The following CHCHD3 variants were observed in gnomAD, a reference collection of about 807,000 sequenced individuals.
The protein encoded by CHCHD3 is MICOS complex subunit MIC19.
In CHCHD3, 20 loss-of-function variants were observed where a neutral mutation model predicts 38.2. That is an observed-to-expected ratio of 0.52 (90% CI 0.37 to 0.76). CHCHD3 has a LOEUF of 0.76. Ranked by LOEUF, CHCHD3 falls within the 30% of genes least tolerant of loss-of-function variation. CHCHD3 has a pLI of 0.00. For synonymous variants in CHCHD3, 82 were observed against 100.0 expected (o/e 0.82, Z 1.07); for missense variants, 245 against 279.2 (o/e 0.88, Z 0.87).
intron 2 of CHCHD3, among the ~76,000 whole-genome samples, chr7:133,045,054 G>C (rs12707076): frequency 0.46 from 70,461 of 152,122 alleles, 17,233 homozygotes; most frequent in African/African-American, 0.62. Flanking sequence ...CCTGTCAACA[G>C]CATCCGAGTT....
rs1290579404 is a variant in CHCHD3 at position 133,072,667 on chromosome 7, A to G, written c.82-2438T>C. 3.3e-5 allele frequency among the ~76,000 whole-genome samples: 5 copies of G among 152,012 alleles called. No individual in the cohort carries two copies. In the East Asian group the frequency reaches 7.8e-4, roughly 24 times the overall value. Reference sequence around the variant, plus strand: ...ATCCTGGCTAACATGGTGAAACCCCATCTCTACTAAAAATACAAAAAATTA... The same window carrying G: ...ATCCTGGCTAACATGGTGAAACCCCGTCTCTACTAAAAATACAAAAAATTA... On this transcript the variant is annotated intron_variant, in intron 1 of 7. Transcript: ENST00000262570.
intron 2 of CHCHD3, among the ~76,000 whole-genome samples, chr7:133,048,048 A>G (rs1208660146): frequency 6.6e-6 from 1 of 151,956 alleles, no homozygotes; most frequent in African/African-American, 2.4e-5. Context: ...AGATCACGCC[A>G]TTGCACTCCA....
At chr7:132,915,203 A>C (rs1810073778) in intron 4 of CHCHD3, among the ~76,000 whole-genome samples, 1 of 152,048 alleles carries the variant, frequency 6.6e-6, no homozygotes, top group Non-Finnish European at 1.5e-5. Context: ...ACAAGCTCTC[A>C]AGGTCATCCA....
intron 2 of CHCHD3, chr7:133,034,769 A>T (rs1259759991): frequency 6.2e-7 from 1 of 1,613,406 alleles, no homozygotes; most frequent in Non-Finnish European, 8.5e-7. Flanking sequence ...GACTCAGCGG[A>T]AAGGCAAGCT....
intron 4 of CHCHD3, among the ~76,000 whole-genome samples, chr7:132,911,466 C>A (rs1451230417): frequency 1.3e-5 from 2 of 152,324 alleles, no homozygotes; most frequent in Non-Finnish European, 2.9e-5. Flanking sequence ...AAGGCAGACA[C>A]AAGACGCTGA....
At chr7:132,971,187 C>T (rs1811604001) in intron 4 of CHCHD3, among the ~76,000 whole-genome samples, 1 of 152,154 alleles carries the variant, frequency 6.6e-6, no homozygotes, top group Non-Finnish European at 1.5e-5. Flanking sequence ...ATTCCCTGGT[C>T]CTGTCCTTCT....
intron 1 of CHCHD3, among the ~76,000 whole-genome samples, chr7:133,075,981 C>A (rs1814978033): frequency 6.8e-6 from 1 of 147,078 alleles, no homozygotes; most frequent in Admixed American, 7.1e-5. Context: ...ATCGCTTGAA[C>A]CCAGAAGGTG....
At chr7:133,041,541 C>T (rs1226006936) in intron 2 of CHCHD3, among the ~76,000 whole-genome samples, 1 of 152,170 alleles carries the variant, frequency 6.6e-6, no homozygotes, top group Non-Finnish European at 1.5e-5. Flanking sequence ...TGCTGAAAAC[C>T]TAAGTGAAGC....
At chr7:132,861,227 C>T (rs1308401639) in intron 5 of CHCHD3, among the ~76,000 whole-genome samples, 4 of 152,092 alleles carry the variant, frequency 2.6e-5, no homozygotes, top group Non-Finnish European at 2.9e-5. Context: ...TGCCATTTCC[C>T]GAGGAAAACT....
Position 133,079,938 on chromosome 7 carries a change from A to G in CHCHD3, c.81+1919T>C, listed in dbSNP as rs566506196. Among the ~76,000 whole-genome samples the G allele has an allele frequency of 5.9e-5, 9 of 152,360 alleles. No individual in the cohort carries two copies. In the East Asian group the frequency reaches 1.7e-3, roughly 29 times the overall value. On this transcript the variant is annotated intron_variant, in intron 1 of 7. Coordinates refer to ENST00000262570, the MANE Select transcript of CHCHD3 (RefSeq NM_017812.4). ...AAACTGCAATGGGCTAAGTATGGCT[A>G]CAAGAAACTTACAGTGCCACCAGAC...
intron 2 of CHCHD3, among the ~76,000 whole-genome samples, chr7:133,069,232 T>C (rs1814752460): frequency 6.7e-6 from 1 of 149,582 alleles, no homozygotes; most frequent in African/African-American, 2.4e-5. Context: ...AAGTCATTCT[T>C]ATTCATCTTG....
intron 4 of CHCHD3, among the ~76,000 whole-genome samples, chr7:132,923,541 C>CA (rs199801352): frequency 0.024 from 3,596 of 151,930 alleles, 56 homozygotes; most frequent in Middle Eastern, 0.034. Context: ...AAGATTTTTT[C>CA]AAAAAAATTC....
intron 2 of CHCHD3, among the ~76,000 whole-genome samples, chr7:133,050,144 C>G (rs1393718991): frequency 6.6e-6 from 1 of 151,540 alleles, no homozygotes; most frequent in East Asian, 1.9e-4. Context: ...GCCAGGAGTT[C>G]GAGATCAGCC....
chr7:132,986,678 A>T (rs1159502044), intron 3 of CHCHD3, among the ~76,000 whole-genome samples: 2 of 152,244 alleles, frequency 1.3e-5, no homozygotes, highest in Non-Finnish European at 2.9e-5. Flanking sequence ...AGATGCCATT[A>T]AGAAAATCAT....
rs1197154549 is a variant in CHCHD3 at position 133,036,057 on chromosome 7, A to G, written c.170-11430T>C. 5.6e-6 allele frequency: 4 copies of G among 718,056 alleles called. No individual in the cohort carries two copies. In the African/African-American group the frequency reaches 7.1e-5, roughly 13 times the overall value. 44.5% of individuals were successfully genotyped at this position (718,056 alleles called of 1,614,324 possible). A position where few individuals can be genotyped will look rare whatever the true frequency, so the allele number is the denominator to read the frequency against. On this transcript the variant is annotated intron_variant, in intron 2 of 7. Transcript: ENST00000262570. ...TAAATAGTAACATCCAACACACATG[A>G]TGATTTCATAAAATAATTCGCTAGG...
At chr7:132,905,090 G>A (rs1298949359) in intron 4 of CHCHD3, among the ~76,000 whole-genome samples, 1 of 147,322 alleles carries the variant, frequency 6.8e-6, no homozygotes, top group African/African-American at 2.5e-5. Flanking sequence ...ACACACGGGG[G>A]CCTGTCGTGG....
chr7:133,021,696 G>T (rs1276679920), intron 3 of CHCHD3, among the ~76,000 whole-genome samples: 2 of 152,166 alleles, frequency 1.3e-5, no homozygotes, highest in Admixed American at 1.3e-4. Context: ...CACCACATAT[G>T]TAGAGTGACT....
intron 6 of CHCHD3, among the ~76,000 whole-genome samples, chr7:132,834,133 C>T (rs1226770312): frequency 2.0e-5 from 3 of 152,064 alleles, no homozygotes; most frequent in African/African-American, 4.8e-5. Flanking sequence ...GGCGAAAAAC[C>T]CCTGTCATGC....
chr7:132,815,174 C>T (rs181004928), intron 6 of CHCHD3, among the ~76,000 whole-genome samples: 1 of 152,266 alleles, frequency 6.6e-6, no homozygotes, highest in African/African-American at 2.4e-5. Context: ...ACTTTTAGAT[C>T]TCCAATATTG....
Sources: allele counts gnomAD v4.1 joint callset (sites outside exome capture counted in the v4.1 genomes callset), GRCh38; gene constraint gnomAD v4.1.1; transcripts MANE v1.5; gene names NCBI Gene and HGNC (gene_info 2026-07-23, HGNC 2026-07-21).